The following MAST2 variants were observed in gnomAD, a reference collection of about 807,000 sequenced individuals.
MAST2 encodes microtubule associated serine/threonine kinase 2.
Under a neutral mutation model 147.4 loss-of-function variants are expected in MAST2, and 70 were observed. That is an observed-to-expected ratio of 0.47 (90% CI 0.39 to 0.58). The LOEUF is 0.58. MAST2 is among the 20% of genes least tolerant of loss of function. MAST2 has a pLI of 0.00. For synonymous variants in MAST2, 869 were observed against 896.8 expected, an observed-to-expected ratio of 0.97 and a Z score of 0.55; for missense variants, 2,080 against 2,302.3, an observed-to-expected ratio of 0.90 and a Z score of 1.98.
At chr1:45,954,696 G>C (rs528815136) in intron 4 of MAST2, among the ~76,000 whole-genome samples, 1 of 152,308 alleles carries the variant, frequency 6.6e-6, no homozygotes, top group African/African-American at 2.4e-5. Context: ...CCAGTTCCTT[G>C]TTGTGGATCT....
intron 4 of MAST2, among the ~76,000 whole-genome samples, chr1:45,947,324 A>C (rs1206351558): frequency 2.0e-5 from 3 of 151,900 alleles, no homozygotes; most frequent in Admixed American, 6.6e-5. Context: ...AAAAAAAAAA[A>C]AAAAAAACCC....
intron 1 of MAST2, among the ~76,000 whole-genome samples, chr1:45,805,889 C>T (rs191065435): frequency 6.6e-6 from 1 of 152,244 alleles, no homozygotes; most frequent in East Asian, 1.9e-4. Flanking sequence ...TCTTTGCTTC[C>T]CCAACAACCT....
intron 3 of MAST2, among the ~76,000 whole-genome samples, chr1:45,856,266 C>T (rs770539521): frequency 2.8e-4 from 42 of 152,064 alleles, no homozygotes; most frequent in Non-Finnish European, 3.7e-4. Flanking sequence ...TCAAGACCAG[C>T]CTGGGCAACC....
intron 3 of MAST2, among the ~76,000 whole-genome samples, chr1:45,872,032 T>C (rs1646413508): frequency 6.6e-6 from 1 of 152,060 alleles, no homozygotes; most frequent in Admixed American, 6.5e-5. Context: ...CCTTGCCTCG[T>C]TGATTTTAAA....
chr1:45,885,888 CT>C (rs2148340944), intron 4 of MAST2, among the ~76,000 whole-genome samples: 1 of 152,210 alleles, frequency 6.6e-6, no homozygotes, highest in East Asian at 1.9e-4. Context: ...GTACTTACTG[CT>C]ATGAAGAAAA....
At chr1:45,843,041 A>G (rs1180370383) in intron 3 of MAST2, among the ~76,000 whole-genome samples, 1 of 152,168 alleles carries the variant, frequency 6.6e-6, no homozygotes, top group Non-Finnish European at 1.5e-5. Context: ...GTAATGACTA[A>G]TGATGTTGAG....
At chr1:45,858,611 A>C (rs1192346893) in intron 3 of MAST2, among the ~76,000 whole-genome samples, 1 of 143,964 alleles carries the variant, frequency 6.9e-6, no homozygotes, top group Non-Finnish European at 1.5e-5. Context: ...GAAGCTCTTT[A>C]GTTTAATAAG....
rs370383214 is a variant in MAST2 at position 46,031,375 on chromosome 1, T to C, written c.2993-16T>C. The C allele has an allele frequency of 1.3e-4, 204 of 1,601,838 alleles. 1 individual carries two copies. The highest frequency in any genetic ancestry group is 5.0e-4 in the Middle Eastern group (3 of 6,006). ...TCAGCGGCATCGCGGGTCTCACTGCTTACTTGGGCCTACAGCTATGGAGAC... is the reference window on the plus strand; with the variant it reads ...TCAGCGGCATCGCGGGTCTCACTGCCTACTTGGGCCTACAGCTATGGAGAC... On this transcript the variant is annotated splice_polypyrimidine_tract_variant and intron_variant, in intron 23 of 28. Coordinates refer to ENST00000361297, the MANE Select transcript of MAST2 (RefSeq NM_015112.3). This position sits in a 1 kb window ranked among gnomAD's most constrained non-coding sequence, Gnocchi z 4.1.
chr1:45,992,757 T>C (rs1054247409), intron 5 of MAST2, among the ~76,000 whole-genome samples: 20 of 152,284 alleles, frequency 1.3e-4, no homozygotes, highest in African/African-American at 4.3e-4. Flanking sequence ...TACCTTTTAA[T>C]TGGGGCATTT....
chr1:45,959,285 G>A, intron 4 of MAST2, 101 bp from the exon 5 acceptor site: 1 of 798,030 alleles, frequency 1.3e-6, no homozygotes, highest in Non-Finnish European at 2.1e-6. Flanking sequence ...ATACTGTGCG[G>A]CCCGTGGAAT....
intron 10 of MAST2, among the ~76,000 whole-genome samples, chr1:46,013,941 C>A (rs1488909086): frequency 6.6e-6 from 1 of 151,994 alleles, no homozygotes; most frequent in Non-Finnish European, 1.5e-5. Flanking sequence ...CATTTCATAA[C>A]CAATACTTTA....
At chr1:46,018,875 G>C (rs1646066741) in intron 10 of MAST2, among the ~76,000 whole-genome samples, 1 of 152,166 alleles carries the variant, frequency 6.6e-6, no homozygotes, top group Non-Finnish European at 1.5e-5. Flanking sequence ...GCCCAGAACT[G>C]AGCTTATCTT....
In MAST2 at chr1:46,031,031, T is replaced by C; in HGVS notation, c.2733T>C (p.Ser911=). 1 of 1,613,662 alleles carries C rather than the reference T, an allele frequency of 6.2e-7. No individual in the cohort carries two copies. The highest frequency in any genetic ancestry group is 8.5e-7 in the Non-Finnish European group (1 of 1,179,770). The change falls in exon 23 of 29, where the codon TCT becomes TCC. Residue 911 remains serine, a synonymous_variant. Transcript: ENST00000361297. This position sits in a 1 kb window ranked among gnomAD's most constrained non-coding sequence, Gnocchi z 4.1. ...PEILRKRLSV[S]ESSHTESDSS... ...GATTACGGAAGCGGCTGTCGGTGTC[T>C]GAGTCATCCCACACAGAGAGTGACT...
chr1:45,897,582 G>T (rs764619110), intron 4 of MAST2, among the ~76,000 whole-genome samples: 5 of 152,160 alleles, frequency 3.3e-5, no homozygotes, highest in Non-Finnish European at 5.9e-5. Context: ...GCCAAGGCAG[G>T]AGGATTGCTT....
chr1:45,918,149 G>A (rs1311527473), intron 4 of MAST2, among the ~76,000 whole-genome samples: 2 of 152,188 alleles, frequency 1.3e-5, no homozygotes, highest in African/African-American at 4.8e-5. Flanking sequence ...GAAAAATAAA[G>A]TAGGATAAGA....
chr1:46,029,701 C>T, intron 19 of MAST2, 130 bp from the exon 20 acceptor site: 1 of 1,383,700 alleles, frequency 7.2e-7, no homozygotes, highest in Non-Finnish European at 1.0e-6. Flanking sequence ...GCTCTGTAGG[C>T]AGAAAAGGGA....
intron 1 of MAST2, among the ~76,000 whole-genome samples, chr1:45,820,350 A>G (rs1024298633): frequency 2.0e-5 from 3 of 152,160 alleles, no homozygotes; most frequent in Admixed American, 2.0e-4. Context: ...GCAAAACTGG[A>G]TCAAGGGGAT....
intron 1 of MAST2, among the ~76,000 whole-genome samples, chr1:45,804,551 A>G (rs984718975): frequency 1.3e-5 from 2 of 152,314 alleles, no homozygotes; most frequent in Admixed American, 6.5e-5. Flanking sequence ...TGTGTTCACA[A>G]TCATTGTTAA....
In MAST2 at chr1:46,029,820, C is replaced by T; in HGVS notation, c.2321-11C>T. On this transcript the variant is annotated splice_polypyrimidine_tract_variant and intron_variant, in intron 19 of 28. Coordinates refer to ENST00000361297, the MANE Select transcript of MAST2 (RefSeq NM_015112.3). ...ATCCTACCCCCTTGCCCATGTCCTC[C>T]CTGTCCACAGGCAGTGCCTATGAGG... is the stretch of plus-strand genomic sequence containing the variant. 1 of 1,613,740 alleles carries T rather than the reference C, an allele frequency of 6.2e-7. No homozygotes were observed. Among genetic ancestry groups the T allele is most frequent in the East Asian group, 2.2e-5 (1 of 44,890 alleles).
Sources: allele counts gnomAD v4.1 joint callset (sites outside exome capture counted in the v4.1 genomes callset), GRCh38; gene constraint gnomAD v4.1.1; non-coding constraint Gnocchi (gnomAD v3.1); transcripts MANE v1.5; gene names NCBI Gene and HGNC (gene_info 2026-07-23, HGNC 2026-07-21).